ANKRD27: variants seen among roughly 807,000 people sequenced by gnomAD.
ANKRD27 encodes ankyrin repeat domain-containing protein 27.
Under a neutral mutation model 129.7 loss-of-function variants are expected in ANKRD27, and 112 were observed. That is an observed-to-expected ratio of 0.86 (90% CI 0.74 to 1.01). ANKRD27 has a LOEUF of 1.01. Among genes scored for constraint, ANKRD27 ranks in the 50% least tolerant of loss-of-function variants. The pLI is 0.00. For missense variants in ANKRD27, 1,258 were observed against 1,300.5 expected (o/e 0.97, Z 0.50); for synonymous variants, 516 against 511.2 (o/e 1.01, Z -0.13).
intron 1 of ANKRD27, among the ~76,000 whole-genome samples, chr19:32,661,218 T>TACACACACAC (rs1491210495): frequency 2.5e-5 from 2 of 79,984 alleles, no homozygotes; most frequent in African/African-American, 7.1e-5. Flanking sequence ...AAAAAAAAAT[T>TACACACACAC]ATACACACAC....
At chr19:32,643,233 T>C in intron 8 of ANKRD27, 34 bp from the exon 9 acceptor site, 2 of 1,614,022 alleles carry the variant, frequency 1.2e-6, no homozygotes, top group Non-Finnish European at 1.7e-6. Context: ...TTCAAATTTC[T>C]CAAAAAGCAC....
intron 15 of ANKRD27, 136 bp downstream of exon 15, chr19:32,627,947 C>T (rs1366779723): frequency 2.5e-5 from 19 of 768,146 alleles, no homozygotes; most frequent in Non-Finnish European, 3.7e-5. Context: ...CCTTCCGGCC[C>T]TTGGAGGGTG....
At chr19:32,605,037 A>G (rs1182421683) in intron 24 of ANKRD27, among the ~76,000 whole-genome samples, 2 of 152,252 alleles carry the variant, frequency 1.3e-5, no homozygotes, top group East Asian at 3.9e-4. Flanking sequence ...AAGCCACTGC[A>G]TTCCTAGGTG....
intron 2 of ANKRD27, among the ~76,000 whole-genome samples, chr19:32,650,097 C>T (rs539606844): frequency 4.6e-5 from 7 of 152,228 alleles, no homozygotes; most frequent in South Asian, 2.1e-4. Context: ...TTCCTACAAT[C>T]GCTGGGTCCC....
Position 32,622,475 on chromosome 19 carries a change from C to T in ANKRD27, c.1774G>A (p.Glu592Lys), listed in dbSNP as rs753857505. Residue 592 changes from glutamate (E) to lysine (K), a missense_variant, in exon 18 of 29, where the codon GAG (glutamate) becomes AAG (lysine). By Grantham distance (56) the Glu-to-Lys change is moderately conservative (BLOSUM62 1). Coordinates refer to ENST00000306065, the MANE Select transcript of ANKRD27 (RefSeq NM_032139.3). Reference sequence around the variant, plus strand: ...GTCTCCTTCAGTCTGTTCTGGATCTCGGTGGACGCTCCGTTCTGCAGCAAT... The same window carrying T: ...GTCTCCTTCAGTCTGTTCTGGATCTTGGTGGACGCTCCGTTCTGCAGCAAT... Reference protein sequence around the residue: ...ETLLQNGASTEIQNRLKETPL... With the variant: ...ETLLQNGASTKIQNRLKETPL... The T allele has an allele frequency of 2.5e-6, 4 of 1,613,720 alleles. No individual in the cohort carries two copies. Among genetic ancestry groups the T allele is most frequent in the Middle Eastern group, 3.3e-4 (2 of 6,082 alleles).
At chr19:32,628,240 G>A (rs1966926521) in intron 14 of ANKRD27, 75 bp from the exon 15 acceptor site, 2 of 1,289,020 alleles carry the variant, frequency 1.6e-6, no homozygotes, top group South Asian at 1.2e-5. Context: ...AGGTAGATAG[G>A]CAGGTACCAC....
chr19:32,673,956 A>C (rs1449061425), intron 1 of ANKRD27, among the ~76,000 whole-genome samples: 1 of 150,750 alleles, frequency 6.6e-6, no homozygotes, highest in African/African-American at 2.4e-5. Context: ...AGACCAGCCT[A>C]GGCAACCTGC....
At chr19:32,607,973 T>C (rs1971773833) in intron 22 of ANKRD27, 141 bp from the exon 23 acceptor site, 5 of 871,234 alleles carry the variant, frequency 5.7e-6, no homozygotes, top group Middle Eastern at 2.2e-4. Context: ...CCAATTTGTT[T>C]AGAAGTATGT....
chr19:32,649,351 G>A (rs367609261), intron 3 of ANKRD27, among the ~76,000 whole-genome samples: 5 of 152,224 alleles, frequency 3.3e-5, no homozygotes, highest in African/African-American at 1.2e-4. Context: ...AGCTTTTCAC[G>A]GCACTGGGAT....
At chr19:32,613,598 C>T (rs1173785050) in intron 22 of ANKRD27, among the ~76,000 whole-genome samples, 1 of 152,132 alleles carries the variant, frequency 6.6e-6, no homozygotes. Flanking sequence ...AATGGAATGC[C>T]ACCCCGCCAT....
At chr19:32,634,644 A>C (rs1967057330) in intron 12 of ANKRD27, among the ~76,000 whole-genome samples, 1 of 152,134 alleles carries the variant, frequency 6.6e-6, no homozygotes, top group African/African-American at 2.4e-5. Context: ...GGCTGGGCGC[A>C]GTGGCTGGTA....
Position 32,598,369 on chromosome 19 carries a change from G to A in ANKRD27, c.2929C>T (p.Gln977Ter). ...TEGSLHEPGR[Q>*]SVTLRQNNLP... ...TTATTCTGTCTCAGTGTGACACTTTGCCTCCCTGGCTAAAGAAAAAGTACA... is the reference window on the plus strand; with the variant it reads ...TTATTCTGTCTCAGTGTGACACTTTACCTCCCTGGCTAAAGAAAAAGTACA... The change falls in exon 29 of 29, where the codon CAA (glutamine) becomes TAA (stop). Residue 977 changes from glutamine (Q) to a stop codon, truncating the protein, a stop_gained. Coordinates refer to ENST00000306065, the MANE Select transcript of ANKRD27 (RefSeq NM_032139.3). LOFTEE classifies it low-confidence loss of function (END_TRUNC). The A allele has an allele frequency of 6.2e-7, 1 of 1,614,152 alleles. No individual in the cohort carries two copies. Among genetic ancestry groups the A allele is most frequent in the African/African-American group, 1.3e-5 (1 of 75,026 alleles).
chr19:32,666,858 G>A (rs1012928809), intron 1 of ANKRD27, among the ~76,000 whole-genome samples: 4 of 151,776 alleles, frequency 2.6e-5, no homozygotes, highest in African/African-American at 9.7e-5. Context: ...TGATGGCCAC[G>A]CTGGTCTCAA....
intron 2 of ANKRD27, 27 bp downstream of exon 2, chr19:32,658,887 G>A (rs758532454): frequency 3.8e-6 from 6 of 1,580,964 alleles, no homozygotes; most frequent in African/African-American, 2.7e-5. Context: ...CATGCCTCAG[G>A]ACAACCCCGA....
At position 32,639,499 on chromosome 19, in the gene ANKRD27, G is replaced by A. The variant is rs1364460441; in HGVS notation, c.984-11C>T. 2 of 1,606,562 alleles carry A rather than the reference G, an allele frequency of 1.2e-6. No individual in the cohort carries two copies. The highest frequency in any genetic ancestry group is 1.3e-5 in the African/African-American group (1 of 74,594). ...CTCAAATTTGCCATCCTAATGAAAGGAAGAAAAAAGTTATGTTGTTGTCTA... is the reference window on the plus strand; with the variant it reads ...CTCAAATTTGCCATCCTAATGAAAGAAAGAAAAAAGTTATGTTGTTGTCTA... On this transcript the variant is annotated splice_polypyrimidine_tract_variant and intron_variant, in intron 11 of 28. Coordinates refer to ENST00000306065, the MANE Select transcript of ANKRD27 (RefSeq NM_032139.3).
chr19:32,644,122 A>G (rs1353392635), intron 5 of ANKRD27, among the ~76,000 whole-genome samples: 1 of 152,072 alleles, frequency 6.6e-6, no homozygotes, highest in Non-Finnish European at 1.5e-5. Flanking sequence ...AGATCCTCCC[A>G]TCTCGGCCTC....
chr19:32,648,534 C>T (rs376117361), intron 3 of ANKRD27, among the ~76,000 whole-genome samples: 3 of 152,308 alleles, frequency 2.0e-5, no homozygotes, highest in Admixed American at 6.5e-5. Flanking sequence ...GGCGCGGTGG[C>T]GCACGCCTGT....
rs149519490 is a variant in ANKRD27 at position 32,665,763 on chromosome 19, G to A, written c.-30-6718C>T. Among the ~76,000 whole-genome samples, 15 of 148,972 alleles carry A rather than the reference G, an allele frequency of 1.0e-4. No individual in the cohort carries two copies. The East Asian group carries it at 1.6e-3, about 16-fold the overall frequency. On this transcript the variant is annotated intron_variant, in intron 1 of 28. Transcript: ENST00000306065. The stretch of plus-strand genomic sequence containing the variant: ...CATGAGCCACCGCGCCCAGCCTGCC[G>A]TTTTTTTTGTTTTTCGAGACAGAGG...
Position 32,644,403 on chromosome 19 carries a change from G to C in ANKRD27, c.447C>G (p.Ser149=), listed in dbSNP as rs1205730916. The C allele has an allele frequency of 1.2e-5, 20 of 1,614,088 alleles. No homozygotes were observed. Among genetic ancestry groups the C allele is most frequent in the Non-Finnish European group, 1.7e-5 (20 of 1,180,016 alleles). The part of the protein sequence containing the change: ...EDVREFLGRH[S]ERFDRNIASF... The stretch of plus-strand genomic sequence containing the variant: ...AGGCGATGTTCCTGTCAAATCGCTC[G>C]GAGTGTCTTCCCAAGAACTCTCTCA... The change falls in exon 5 of 29, where the codon TCC becomes TCG. Residue 149 remains serine (S), a synonymous_variant. Coordinates refer to ENST00000306065, the MANE Select transcript of ANKRD27 (RefSeq NM_032139.3).
Sources: allele counts gnomAD v4.1 joint callset (sites outside exome capture counted in the v4.1 genomes callset), GRCh38; gene constraint gnomAD v4.1.1; transcripts MANE v1.5; gene names NCBI Gene and HGNC (gene_info 2026-07-23, HGNC 2026-07-21).